TXNDC16: variants seen among roughly 807,000 people sequenced by gnomAD.
TXNDC16 encodes the protein thioredoxin domain-containing protein 16.
A neutral mutation model predicts 85.6 loss-of-function variants in TXNDC16; 74 were observed. That is an observed-to-expected ratio of 0.86 (90% CI 0.72 to 1.05). TXNDC16 has a LOEUF of 1.05. Ranked by LOEUF, TXNDC16 falls within the 50% of genes least tolerant of loss-of-function variation. The pLI, the probability that TXNDC16 is intolerant of heterozygous loss-of-function variation, is 0.00. For synonymous variants in TXNDC16, 335 were observed against 326.5 expected, an observed-to-expected ratio of 1.03 and a Z score of -0.28; for missense variants, 959 against 947.0, an observed-to-expected ratio of 1.01 and a Z score of -0.17.
In TXNDC16 at chr14:52,505,456, C is replaced by T. The variant is rs146974431; in HGVS notation, c.756+5784G>A. Among the ~76,000 whole-genome samples, 1,261 of 152,264 alleles carry T rather than the reference C, an allele frequency of 8.3e-3. 11 individuals are homozygous for T. The highest frequency in any genetic ancestry group is 0.018 in the South Asian group (87 of 4,826). On this transcript the variant is annotated intron_variant, in intron 9 of 20. Transcript: ENST00000281741. ...TACATGGAAACTGAACAACCTGCTG[C>T]TGAAGGAATACTGGGTACATAACGA...
At chr14:52,530,529 T>A (rs1289397183) in intron 6 of TXNDC16, among the ~76,000 whole-genome samples, 1 of 5,718 alleles carries the variant, frequency 1.7e-4, no homozygotes, top group Non-Finnish European at 4.7e-4. Context: ...TAATATTATA[T>A]ATAATAATAT....
chr14:52,550,868 C>T (rs185006485), intron 1 of TXNDC16, among the ~76,000 whole-genome samples: 10 of 152,296 alleles, frequency 6.6e-5, no homozygotes, highest in African/African-American at 2.2e-4. Flanking sequence ...CTGTCATGAG[C>T]ATCCTGTCTC....
chr14:52,487,794 C>G (rs1283927122), intron 12 of TXNDC16, among the ~76,000 whole-genome samples: 13 of 152,096 alleles, frequency 8.5e-5, no homozygotes, highest in Admixed American at 8.5e-4. Context: ...GTGGTATCAG[C>G]TAACTCAGAG....
At chr14:52,494,332 A>C (rs1278153141) in intron 9 of TXNDC16, among the ~76,000 whole-genome samples, 1 of 152,140 alleles carries the variant, frequency 6.6e-6, no homozygotes, top group Non-Finnish European at 1.5e-5. Flanking sequence ...ACACTCAAGT[A>C]AGATTCTCCC....
chr14:52,530,456 T>C (rs2037516895), intron 6 of TXNDC16, among the ~76,000 whole-genome samples: 4 of 10,976 alleles, frequency 3.6e-4, no homozygotes, highest in Non-Finnish European at 5.1e-4. Context: ...TATTATATAA[T>C]AATATATATT....
Position 52,463,142 on chromosome 14 carries a change from T to G in TXNDC16, c.1619-5968A>C, listed in dbSNP as rs554740666. Among the ~76,000 whole-genome samples, 5 of 152,212 alleles carry G rather than the reference T, an allele frequency of 3.3e-5. No individual in the cohort carries two copies. In the East Asian group the frequency reaches 7.7e-4, roughly 24 times the overall value. On this transcript the variant is annotated intron_variant, in intron 16 of 20. Coordinates refer to ENST00000281741, the MANE Select transcript of TXNDC16 (RefSeq NM_020784.3). ...AAGTCAGTTAATTATCAGACCTAAT[T>G]TGATCCTGGACCCAGTCCAGTTTCT...
intron 14 of TXNDC16, among the ~76,000 whole-genome samples, chr14:52,478,768 T>C (rs1032819643): frequency 6.6e-6 from 1 of 152,054 alleles, no homozygotes; most frequent in Non-Finnish European, 1.5e-5. Flanking sequence ...CTATTGACAC[T>C]ATTCCACAAG....
intron 9 of TXNDC16, among the ~76,000 whole-genome samples, chr14:52,506,301 T>C (rs2140175358): frequency 6.6e-6 from 1 of 152,264 alleles, no homozygotes; most frequent in South Asian, 2.1e-4. Flanking sequence ...GTATCCCTGA[T>C]GAACATTGAT....
chr14:52,460,474 C>G (rs921907520), intron 16 of TXNDC16, among the ~76,000 whole-genome samples: 6 of 152,152 alleles, frequency 3.9e-5, no homozygotes, highest in Non-Finnish European at 7.3e-5. Context: ...TATCTTCTGA[C>G]AATGTTTTTC....
chr14:52,520,428 G>A (rs2037183271), intron 6 of TXNDC16, among the ~76,000 whole-genome samples: 1 of 152,002 alleles, frequency 6.6e-6, no homozygotes, highest in Non-Finnish European at 1.5e-5. Context: ...TCAAGACCAC[G>A]GTGAAACCCC....
At chr14:52,513,450 A>G (rs750899182) in intron 8 of TXNDC16, among the ~76,000 whole-genome samples, 8 of 152,156 alleles carry the variant, frequency 5.3e-5, no homozygotes, top group Non-Finnish European at 1.2e-4. Flanking sequence ...AGGTCCAGGG[A>G]TGACTCATCA....
intron 9 of TXNDC16, among the ~76,000 whole-genome samples, chr14:52,493,216 T>TATATATATATATACACAC: frequency 8.6e-5 from 10 of 115,992 alleles, no homozygotes; most frequent in African/African-American, 3.5e-4. Flanking sequence ...TATATATATA[T>TATATATATATATACACAC]ACACACACAC....
At chr14:52,514,748 T>C in intron 8 of TXNDC16, 132 bp downstream of exon 8, 1 of 618,968 alleles carries the variant, frequency 1.6e-6, no homozygotes, top group Non-Finnish European at 2.8e-6. Flanking sequence ...TTCATTTATA[T>C]ATTCACATCT....
chr14:52,476,179 C>T (rs1354828742), intron 14 of TXNDC16, among the ~76,000 whole-genome samples: 1 of 152,098 alleles, frequency 6.6e-6, no homozygotes, highest in Non-Finnish European at 1.5e-5. Flanking sequence ...AACTGAACAA[C>T]AGCCTTGAGC....
chr14:52,500,789 GAGAC>G (rs1044383004), intron 9 of TXNDC16, among the ~76,000 whole-genome samples: 1 of 151,186 alleles, frequency 6.6e-6, no homozygotes, highest in East Asian at 1.9e-4. Flanking sequence ...TCTTGAATCT[GAGAC>G]AGACAGCTAG....
At chr14:52,474,555 C>T (rs763853774) in intron 14 of TXNDC16, among the ~76,000 whole-genome samples, 19 of 152,052 alleles carry the variant, frequency 1.2e-4, no homozygotes, top group Admixed American at 9.8e-4. Context: ...CCAGCCTGGA[C>T]GCTGTCTCTA....
intron 14 of TXNDC16, among the ~76,000 whole-genome samples, chr14:52,474,020 G>T (rs999416629): frequency 6.6e-6 from 1 of 152,132 alleles, no homozygotes; most frequent in Non-Finnish European, 1.5e-5. Flanking sequence ...CCATTTATCT[G>T]ATATCTGATT....
intron 6 of TXNDC16, among the ~76,000 whole-genome samples, chr14:52,528,979 A>C (rs948112371): frequency 6.8e-6 from 1 of 147,764 alleles, no homozygotes; most frequent in Admixed American, 6.8e-5. Flanking sequence ...CCTATTCTAT[A>C]TAATCTATAT....
intron 14 of TXNDC16, among the ~76,000 whole-genome samples, chr14:52,478,727 C>T (rs1389316040): frequency 6.6e-6 from 1 of 151,938 alleles, no homozygotes; most frequent in African/African-American, 2.4e-5. Context: ...CAGAATCCTA[C>T]CAGACATTCA....
Sources: allele counts gnomAD v4.1 joint callset (sites outside exome capture counted in the v4.1 genomes callset), GRCh38; gene constraint gnomAD v4.1.1; transcripts MANE v1.5; gene names NCBI Gene and HGNC (gene_info 2026-07-23, HGNC 2026-07-21).